Variants in GRM8 observed in about 807,000 individuals in gnomAD.
GRM8 encodes glutamate metabotropic receptor 8.
GRM8 carries 47 observed loss-of-function variants against 87.2 expected under a neutral mutation model. The observed-to-expected ratio is 0.54, with a 90% CI of 0.43 to 0.69. The LOEUF is 0.69. Among genes scored for constraint, GRM8 ranks in the 30% least tolerant of loss-of-function variants. The probability of loss-of-function intolerance (pLI) is 0.00; values close to 1 mark genes in which losing one functional copy is unlikely to be tolerated. For missense variants in GRM8, 1,019 were observed against 1,139.2 expected (o/e 0.89, Z 1.52); for synonymous variants, 396 against 404.5 (o/e 0.98, Z 0.25).
intron 9 of GRM8, among the ~76,000 whole-genome samples, chr7:126,510,275 A>C (rs1015838350): frequency 1.4e-5 from 2 of 147,392 alleles, no homozygotes; most frequent in Non-Finnish European, 3.0e-5. Flanking sequence ...GTACACTTTA[A>C]AGACACATAG....
chr7:126,533,340 T>C lies in GRM8; in HGVS notation c.2042A>G (p.Lys681Arg), dbSNP rs1482269512. Residue 681 changes from lysine (K) to arginine (R), a missense_variant, in exon 9 of 11, where the codon AAG (lysine) becomes AGG (arginine). Transcript: ENST00000339582. ...GAACTTGGGCGCTGTGACAGATTTC[T>C]TCCCCTGCTCAAATATTCGGTGGAT... ...NRIHRIFEQG[K>R]KSVTAPKFIS... 3 of 1,613,732 alleles carry C rather than the reference T, an allele frequency of 1.9e-6. No homozygotes were observed. Among genetic ancestry groups the C allele is most frequent in the African/African-American group, 1.3e-5 (1 of 74,888 alleles).
intron 6 of GRM8, among the ~76,000 whole-genome samples, chr7:126,856,240 T>C (rs889152359): frequency 3.3e-5 from 5 of 152,136 alleles, no homozygotes; most frequent in Non-Finnish European, 5.9e-5. Flanking sequence ...TATCTTAAAA[T>C]ATTTCCATCC....
chr7:126,640,447 G>A (rs941059812), intron 7 of GRM8, among the ~76,000 whole-genome samples: 2 of 152,130 alleles, frequency 1.3e-5, no homozygotes, highest in Non-Finnish European at 2.9e-5. Context: ...ATTGATGTTT[G>A]AGATGAAATC....
intron 2 of GRM8, among the ~76,000 whole-genome samples, chr7:127,175,750 T>A (rs1161983246): frequency 6.6e-6 from 1 of 152,144 alleles, no homozygotes; most frequent in African/African-American, 2.4e-5. Context: ...AAATTGTTCT[T>A]CAAAAGTAAA....
At chr7:126,689,740 C>A (rs760443785) in intron 7 of GRM8, among the ~76,000 whole-genome samples, 2 of 151,994 alleles carry the variant, frequency 1.3e-5, no homozygotes, top group Non-Finnish European at 2.9e-5. Context: ...TAATAATGAC[C>A]CAATAGCTAT....
At chr7:126,776,406 A>T (rs1819480612) in intron 6 of GRM8, among the ~76,000 whole-genome samples, 1 of 152,166 alleles carries the variant, frequency 6.6e-6, no homozygotes. Context: ...TGGCACCATG[A>T]ACAGTTTGAA....
intron 7 of GRM8, among the ~76,000 whole-genome samples, chr7:126,743,065 C>T (rs1210466173): frequency 6.6e-6 from 1 of 152,096 alleles, no homozygotes; most frequent in Non-Finnish European, 1.5e-5. Flanking sequence ...CCAAAGCTCA[C>T]CTCAATCACT....
At chr7:127,224,460 C>T (rs1287601429) in intron 2 of GRM8, among the ~76,000 whole-genome samples, 3 of 152,192 alleles carry the variant, frequency 2.0e-5, no homozygotes, top group Non-Finnish European at 4.4e-5. Context: ...AGAAAATATT[C>T]TTCAGGGATG....
intron 6 of GRM8, among the ~76,000 whole-genome samples, chr7:126,850,694 G>A (rs1311842647): frequency 6.6e-6 from 1 of 152,158 alleles, no homozygotes; most frequent in South Asian, 2.1e-4. Flanking sequence ...ACTGTAACTA[G>A]CAAAGAAGCA....
chr7:127,119,135 G>T (rs1329422356), intron 2 of GRM8, among the ~76,000 whole-genome samples: 1 of 152,122 alleles, frequency 6.6e-6, no homozygotes, highest in African/African-American at 2.4e-5. Context: ...GGCTAGCCAA[G>T]TTCCCAAGTT....
intron 7 of GRM8, among the ~76,000 whole-genome samples, chr7:126,719,837 T>C (rs1563122032): frequency 2.9e-5 from 4 of 140,306 alleles, no homozygotes; most frequent in Admixed American, 7.1e-5. Context: ...GTTTAAAAGA[T>C]AGTCTTTAGT....
At chr7:126,546,627 A>G (rs1411486408) in intron 8 of GRM8, among the ~76,000 whole-genome samples, 1 of 152,190 alleles carries the variant, frequency 6.6e-6, no homozygotes. Flanking sequence ...TTTAGAAAGA[A>G]GCAGCAAAAT....
At chr7:126,868,460 C>T (rs773617016) in intron 6 of GRM8, among the ~76,000 whole-genome samples, 6 of 152,188 alleles carry the variant, frequency 3.9e-5, no homozygotes, top group Admixed American at 1.3e-4. Flanking sequence ...TAATCAACAC[C>T]AGACCTTGAT....
At chr7:126,960,223 C>G (rs1809166207) in intron 3 of GRM8, among the ~76,000 whole-genome samples, 1 of 152,132 alleles carries the variant, frequency 6.6e-6, no homozygotes, top group Non-Finnish European at 1.5e-5. Flanking sequence ...TATATATCAT[C>G]TTTGTCATCA....
At chr7:126,497,214 T>G (rs193031009) in intron 9 of GRM8, among the ~76,000 whole-genome samples, 1 of 151,892 alleles carries the variant, frequency 6.6e-6, no homozygotes, top group African/African-American at 2.4e-5. Context: ...GGGGCACACA[T>G]GAGAAATACT....
chr7:126,580,409 C>G (rs536159503), intron 8 of GRM8, among the ~76,000 whole-genome samples: 2 of 152,198 alleles, frequency 1.3e-5, no homozygotes, highest in African/African-American at 4.8e-5. Context: ...CCAGAATAGT[C>G]TAGATCCATC....
chr7:126,722,822 G>T (rs1235299217), intron 7 of GRM8, among the ~76,000 whole-genome samples: 1 of 150,160 alleles, frequency 6.7e-6, no homozygotes, highest in African/African-American at 2.4e-5. Flanking sequence ...AAGGAGAGGG[G>T]CTATCACCCA....
intron 3 of GRM8, among the ~76,000 whole-genome samples, chr7:127,049,635 G>A (rs1279844307): frequency 6.6e-6 from 1 of 152,060 alleles, no homozygotes; most frequent in East Asian, 1.9e-4. Flanking sequence ...AGCCTAGTAG[G>A]GAAACCAAAC....
At chr7:126,936,488 T>C (rs566641182) in intron 3 of GRM8, among the ~76,000 whole-genome samples, 1 of 152,300 alleles carries the variant, frequency 6.6e-6, no homozygotes, top group African/African-American at 2.4e-5. Flanking sequence ...AGTTATAGAA[T>C]TCCCTGAATT....
Sources: gnomAD v4.1 joint callset for allele counts (sites outside exome capture counted in the v4.1 genomes callset) on GRCh38, gnomAD v4.1.1 for gene constraint, MANE v1.5 for transcripts, NCBI Gene and HGNC (gene_info 2026-07-23, HGNC 2026-07-21) for gene names.